Variants in SND1 observed in about 807,000 individuals in gnomAD.
SND1 encodes staphylococcal nuclease and tudor domain containing 1.
Under a neutral mutation model 121.7 loss-of-function variants are expected in SND1, and 38 were observed. The observed-to-expected ratio is 0.31, with a 90% CI of 0.24 to 0.41. SND1 has a LOEUF of 0.41. Ranked by LOEUF, SND1 falls within the 10% of genes least tolerant of loss-of-function variation. The pLI is 1.00. For missense variants in SND1, 868 were observed against 1,184.6 expected (o/e 0.73, Z 3.92); for synonymous variants, 401 against 447.4 (o/e 0.90, Z 1.31).
At chr7:127,813,389 T>A (rs1201627981) in intron 11 of SND1, among the ~76,000 whole-genome samples, 1 of 152,186 alleles carries the variant, frequency 6.6e-6, no homozygotes, top group African/African-American at 2.4e-5. Flanking sequence ...GCAAGGTAGC[T>A]TTCTTCCTGC....
At chr7:128,039,273 GCTGT>G (rs1211504919) in intron 16 of SND1, among the ~76,000 whole-genome samples, 12 of 152,148 alleles carry the variant, frequency 7.9e-5, no homozygotes, top group East Asian at 3.9e-4. Context: ...TTGTTTATGG[GCTGT>G]CTATTGTGCA....
chr7:128,059,704 A>G (rs904728226), intron 16 of SND1, among the ~76,000 whole-genome samples: 2 of 152,160 alleles, frequency 1.3e-5, no homozygotes, highest in Non-Finnish European at 2.9e-5. Flanking sequence ...TACAGGTTTA[A>G]CCTGCATTTT....
chr7:127,972,619 T>A (rs573714523), intron 15 of SND1, among the ~76,000 whole-genome samples: 38 of 151,552 alleles, frequency 2.5e-4, no homozygotes, highest in Admixed American at 1.8e-3. Context: ...TGAGACAGAG[T>A]CTTGCTCTGT....
intron 12 of SND1, among the ~76,000 whole-genome samples, chr7:127,882,893 G>A (rs143869029): frequency 3.3e-5 from 5 of 152,222 alleles, no homozygotes; most frequent in Non-Finnish European, 5.9e-5. Context: ...TGGCCTGAAT[G>A]GATAATTCAC....
At chr7:127,953,707 C>G (rs1208408710) in intron 15 of SND1, among the ~76,000 whole-genome samples, 2 of 152,198 alleles carry the variant, frequency 1.3e-5, no homozygotes, top group African/African-American at 4.8e-5. Context: ...TTTCCTCGTT[C>G]ATTCCACCAG....
At chr7:128,072,150 G>A (rs558036608) in intron 16 of SND1, among the ~76,000 whole-genome samples, 1 of 152,188 alleles carries the variant, frequency 6.6e-6, no homozygotes, top group Non-Finnish European at 1.5e-5. Flanking sequence ...TGTGGGTTGG[G>A]GTCTGAGCAT....
At chr7:127,873,042 A>T (rs562148542) in intron 12 of SND1, among the ~76,000 whole-genome samples, 1 of 152,230 alleles carries the variant, frequency 6.6e-6, no homozygotes, top group East Asian at 1.9e-4. Flanking sequence ...TGACTTTAAG[A>T]TACTCATCTC....
chr7:127,887,177 A>G (rs764757840), intron 12 of SND1, among the ~76,000 whole-genome samples: 1 of 151,924 alleles, frequency 6.6e-6, no homozygotes, highest in Non-Finnish European at 1.5e-5. Flanking sequence ...AATTTTTATT[A>G]TGGAGATGGG....
chr7:127,932,632 G>A (rs1002051576), intron 15 of SND1, among the ~76,000 whole-genome samples: 1 of 152,188 alleles, frequency 6.6e-6, no homozygotes, highest in Non-Finnish European at 1.5e-5. Context: ...GAAATACTTT[G>A]TGAAAGGAAG....
At chr7:127,742,106 G>T (rs1013712194) in intron 10 of SND1, among the ~76,000 whole-genome samples, 1 of 152,122 alleles carries the variant, frequency 6.6e-6, no homozygotes, top group Non-Finnish European at 1.5e-5. Flanking sequence ...TACTTGATGG[G>T]CAGCTGGTAG....
rs568081701 is a variant in SND1 at position 127,734,711 on chromosome 7, C to T, written c.1152+13311C>T. Among the ~76,000 whole-genome samples the T allele has an allele frequency of 5.9e-5, 9 of 152,196 alleles. No individual in the cohort carries two copies. The East Asian group carries it at 9.7e-4, about 16-fold the overall frequency. ...AGTGTGCAGGTTTAGTGTTAGCGGA[C>T]GATCTGTGTTAGGACTGACGGAGGA... is the stretch of plus-strand genomic sequence containing the variant. On this transcript the variant is annotated intron_variant, in intron 10 of 23. Coordinates refer to ENST00000354725, the MANE Select transcript of SND1 (RefSeq NM_014390.4).
chr7:127,937,192 C>T (rs541646835), intron 15 of SND1, among the ~76,000 whole-genome samples: 4 of 152,112 alleles, frequency 2.6e-5, no homozygotes, highest in African/African-American at 9.7e-5. Flanking sequence ...AAGGTGGTAC[C>T]GCAGTAAGTT....
intron 10 of SND1, among the ~76,000 whole-genome samples, chr7:127,788,482 T>G (rs1363701532): frequency 6.6e-6 from 1 of 152,230 alleles, no homozygotes; most frequent in African/African-American, 2.4e-5. Context: ...ATAAAGTCGA[T>G]TTTCACTTTT....
At chr7:127,732,334 G>A (rs1019122233) in intron 10 of SND1, among the ~76,000 whole-genome samples, 1 of 152,220 alleles carries the variant, frequency 6.6e-6, no homozygotes, top group Non-Finnish European at 1.5e-5. Flanking sequence ...TTGGAGTGCA[G>A]AGGGAATTTG....
intron 12 of SND1, among the ~76,000 whole-genome samples, chr7:127,883,543 A>G (rs1161559794): frequency 6.6e-6 from 1 of 152,154 alleles, no homozygotes; most frequent in Non-Finnish European, 1.5e-5. Context: ...CAACTGGCCG[A>G]TCTATTGTAC....
At chr7:127,726,562 T>C (rs569723059) in intron 10 of SND1, among the ~76,000 whole-genome samples, 2 of 152,336 alleles carry the variant, frequency 1.3e-5, no homozygotes, top group African/African-American at 4.8e-5. Context: ...TTAAAGGAGA[T>C]AACACATTTT....
At chr7:127,735,272 C>A in intron 10 of SND1, among the ~76,000 whole-genome samples, 1 of 152,246 alleles carries the variant, frequency 6.6e-6, no homozygotes, top group East Asian at 1.9e-4. Context: ...TCTTCCTAAG[C>A]TCCTGTTTTT....
At position 127,876,937 on chromosome 7, in the gene SND1, T is replaced by G. The variant is rs548179546; in HGVS notation, c.1344-10965T>G. Among the ~76,000 whole-genome samples, 55 of 152,294 alleles carry G rather than the reference T, an allele frequency of 3.6e-4. 1 individual carries two copies. The South Asian group carries it at 0.011, about 29-fold the overall frequency. ...GTTTTTCTTCTCTCATTGTGATGAT[T>G]GAAGATCAGGGAAAATATTAGATAT... On this transcript the variant is annotated intron_variant, in intron 12 of 23. Transcript: ENST00000354725.
At chr7:127,657,260 A>C (rs1162352886) in intron 1 of SND1, among the ~76,000 whole-genome samples, 1 of 152,220 alleles carries the variant, frequency 6.6e-6, no homozygotes, top group Non-Finnish European at 1.5e-5. Context: ...GTTAACAAGA[A>C]ATAAGCATGA....
Sources: gnomAD v4.1 joint callset for allele counts (sites outside exome capture counted in the v4.1 genomes callset) on GRCh38, gnomAD v4.1.1 for gene constraint, MANE v1.5 for transcripts, NCBI Gene and HGNC (gene_info 2026-07-23, HGNC 2026-07-21) for gene names.